PTPRD: variants seen among roughly 807,000 people sequenced by gnomAD.
PTPRD encodes receptor-type tyrosine-protein phosphatase delta.
A neutral mutation model predicts 214.5 loss-of-function variants in PTPRD; 34 were observed. The observed-to-expected ratio is 0.16, with a 90% CI of 0.12 to 0.21. The LOEUF (loss-of-function observed/expected upper bound fraction) is 0.21. Among genes scored for constraint, PTPRD ranks in the 10% least tolerant of loss-of-function variants. PTPRD has a pLI of 1.00. For missense variants in PTPRD, 2,545 were observed against 2,398.7 expected (o/e 1.06, Z -1.27); for synonymous variants, 1,128 against 845.7 (o/e 1.33, Z -5.79).
intron 2 of PTPRD, among the ~76,000 whole-genome samples, chr9:10,571,325 C>T (rs1345487865): frequency 1.3e-5 from 2 of 152,148 alleles, no homozygotes; most frequent in Admixed American, 1.3e-4. Context: ...CTGACATTTA[C>T]ATTATACCTA....
At chr9:9,298,254 C>A (rs546784441) in intron 9 of PTPRD, among the ~76,000 whole-genome samples, 6 of 151,536 alleles carry the variant, frequency 4.0e-5, no homozygotes, top group Non-Finnish European at 7.4e-5. Flanking sequence ...AGAGTTTTAT[C>A]TTTTATTTTT....
In PTPRD at chr9:8,702,851, C is replaced by T. The variant is rs377345030; in HGVS notation, c.64+30929G>A. ...CTCAAACTCCTGATCTTGTGATTCG[C>T]CCGCCTCGGCCTCCCAAAGTGCTGG... On this transcript the variant is annotated intron_variant, in intron 12 of 45. Transcript: ENST00000381196. 3.9e-5 allele frequency among the ~76,000 whole-genome samples: 6 copies of T among 152,328 alleles called. No individual in the cohort carries two copies. In the South Asian group the frequency reaches 1.2e-3, roughly 32 times the overall value.
chr9:9,515,265 C>A (rs188693121), intron 8 of PTPRD, among the ~76,000 whole-genome samples: 2 of 152,222 alleles, frequency 1.3e-5, no homozygotes, highest in East Asian at 3.9e-4. Context: ...CTTGCCTACT[C>A]TGTTTTTGTA....
At chr9:9,515,909 C>T (rs1038132824) in intron 8 of PTPRD, among the ~76,000 whole-genome samples, 2 of 151,822 alleles carry the variant, frequency 1.3e-5, no homozygotes, top group Non-Finnish European at 1.5e-5. Flanking sequence ...TTGAATATTG[C>T]CCCCAGCTAA....
chr9:10,542,943 G>T (rs901453561), intron 2 of PTPRD, among the ~76,000 whole-genome samples: 1 of 152,044 alleles, frequency 6.6e-6, no homozygotes, highest in East Asian at 1.9e-4. Context: ...TAGAGATGGG[G>T]TGTCTCCATG....
chr9:10,440,729 T>C (rs1001749789), intron 2 of PTPRD, among the ~76,000 whole-genome samples: 3 of 151,744 alleles, frequency 2.0e-5, no homozygotes, highest in Non-Finnish European at 4.4e-5. Context: ...CCAATTGTAA[T>C]AGAGTATATT....
chr9:10,566,806 T>C (rs530473872), intron 2 of PTPRD, among the ~76,000 whole-genome samples: 23 of 152,180 alleles, frequency 1.5e-4, no homozygotes, highest in Admixed American at 1.3e-3. Context: ...TTTAAGTAAC[T>C]TCTTTAGGTA....
At chr9:9,662,286 A>C (rs961372327) in intron 7 of PTPRD, among the ~76,000 whole-genome samples, 1 of 151,772 alleles carries the variant, frequency 6.6e-6, no homozygotes, top group South Asian at 2.1e-4. Context: ...ATTCAACTCT[A>C]TATGTAGTAG....
chr9:9,324,716 T>G (rs976425135), intron 9 of PTPRD, among the ~76,000 whole-genome samples: 2 of 152,088 alleles, frequency 1.3e-5, no homozygotes, highest in African/African-American at 4.8e-5. Context: ...TTTGTCTATT[T>G]TGGCTTTTGT....
At chr9:8,586,752 G>A (rs1439496288) in intron 14 of PTPRD, among the ~76,000 whole-genome samples, 2 of 152,168 alleles carry the variant, frequency 1.3e-5, no homozygotes, top group Non-Finnish European at 2.9e-5. Flanking sequence ...GCTAGACCAA[G>A]TATGTTCTTA....
chr9:9,040,721 T>A (rs1441428667), intron 10 of PTPRD, among the ~76,000 whole-genome samples: 2 of 152,220 alleles, frequency 1.3e-5, no homozygotes, highest in South Asian at 4.1e-4. Flanking sequence ...ATCACAGTCA[T>A]AATATCTGTT....
At chr9:10,035,200 C>A (rs7024970) in intron 3 of PTPRD, among the ~76,000 whole-genome samples, 48,406 of 151,908 alleles carry the variant, frequency 0.32, 8,275 homozygotes, top group East Asian at 0.62. Flanking sequence ...CTCTAATGAT[C>A]AATGATGAGC....
chr9:9,276,653 A>G (rs1945764111), intron 9 of PTPRD, among the ~76,000 whole-genome samples: 1 of 151,250 alleles, frequency 6.6e-6, no homozygotes, highest in African/African-American at 2.4e-5. Flanking sequence ...TTGTGCTTTA[A>G]TCTACACATG....
At chr9:10,105,773 G>A (rs1169012082) in intron 3 of PTPRD, among the ~76,000 whole-genome samples, 4 of 151,634 alleles carry the variant, frequency 2.6e-5, no homozygotes, top group Non-Finnish European at 5.9e-5. Context: ...TTCAAAAACA[G>A]TACAAGTGAA....
chr9:8,993,444 G>A (rs1476566609), intron 11 of PTPRD, among the ~76,000 whole-genome samples: 1 of 152,082 alleles, frequency 6.6e-6, no homozygotes. Flanking sequence ...ACTTTGTGTA[G>A]CGTTTTTCCC....
intron 5 of PTPRD, among the ~76,000 whole-genome samples, chr9:9,822,779 A>T (rs2051244296): frequency 6.6e-6 from 1 of 152,066 alleles, no homozygotes; most frequent in South Asian, 2.1e-4. Context: ...TTGAGTGCTG[A>T]CATGACCTCA....
chr9:9,263,552 C>T (rs1347619302), intron 9 of PTPRD, among the ~76,000 whole-genome samples: 1 of 151,594 alleles, frequency 6.6e-6, no homozygotes, highest in Non-Finnish European at 1.5e-5. Flanking sequence ...GCATTATATT[C>T]TTGGTACTTA....
At chr9:10,280,648 G>C (rs2095049677) in intron 3 of PTPRD, among the ~76,000 whole-genome samples, 2 of 152,068 alleles carry the variant, frequency 1.3e-5, no homozygotes. Context: ...CTGTCACATA[G>C]GCTGGAGTGC....
At chr9:9,757,791 C>CA (rs2098601840) in intron 6 of PTPRD, among the ~76,000 whole-genome samples, 1 of 151,972 alleles carries the variant, frequency 6.6e-6, no homozygotes, top group South Asian at 2.1e-4. Flanking sequence ...GCCATCCTTC[C>CA]AAAAATATGT....
Sources: allele counts gnomAD v4.1 joint callset (sites outside exome capture counted in the v4.1 genomes callset), GRCh38; gene constraint gnomAD v4.1.1; transcripts MANE v1.5; gene names NCBI Gene and HGNC (gene_info 2026-07-23, HGNC 2026-07-21).